The following KCNIP4 variants were observed in gnomAD, a reference collection of about 807,000 sequenced individuals.
The protein encoded by KCNIP4 is potassium voltage-gated channel interacting protein 4.
A neutral mutation model predicts 34.0 loss-of-function variants in KCNIP4; 12 were observed. That is an observed-to-expected ratio of 0.35 (90% CI 0.23 to 0.57). The LOEUF (loss-of-function observed/expected upper bound fraction) is 0.57, where lower values mean the gene tolerates loss of function less well. Among genes scored for constraint, KCNIP4 ranks in the 20% least tolerant of loss-of-function variants. The pLI, the probability that KCNIP4 is intolerant of heterozygous loss-of-function variation, is 0.83. For synonymous variants in KCNIP4, 124 were observed against 102.2 expected, an observed-to-expected ratio of 1.21 and a Z score of -1.29; for missense variants, 238 against 311.7, an observed-to-expected ratio of 0.76 and a Z score of 1.78.
At chr4:21,763,510 C>G (rs1332428590) in intron 1 of KCNIP4, among the ~76,000 whole-genome samples, 3 of 152,082 alleles carry the variant, frequency 2.0e-5, no homozygotes, top group African/African-American at 4.8e-5. Context: ...TGGAGAAAAG[C>G]CTTAGCTAGT....
chr4:21,819,244 T>A (rs1038757412), intron 1 of KCNIP4, among the ~76,000 whole-genome samples: 1 of 152,234 alleles, frequency 6.6e-6, no homozygotes, highest in African/African-American at 2.4e-5. Flanking sequence ...CACCACCCTC[T>A]CTGTTACTGG....
intron 1 of KCNIP4, among the ~76,000 whole-genome samples, chr4:21,009,463 C>T (rs546679265): frequency 4.4e-4 from 67 of 152,136 alleles, no homozygotes; most frequent in Non-Finnish European, 7.5e-4. Context: ...CATCTCCTTC[C>T]TTTCCAAACA....
intron 1 of KCNIP4, among the ~76,000 whole-genome samples, chr4:21,288,456 G>A (rs1211327363): frequency 6.6e-6 from 1 of 152,096 alleles, no homozygotes; most frequent in African/African-American, 2.4e-5. Context: ...ACTAGATTTT[G>A]GAAAATAATT....
At chr4:21,568,409 A>G (rs1740088120) in intron 1 of KCNIP4, among the ~76,000 whole-genome samples, 1 of 152,114 alleles carries the variant, frequency 6.6e-6, no homozygotes, top group African/African-American at 2.4e-5. Flanking sequence ...TGTCAACTTG[A>G]TTGAATTGAA....
chr4:20,842,246 A>G (rs1719819976), intron 3 of KCNIP4, among the ~76,000 whole-genome samples: 1 of 152,160 alleles, frequency 6.6e-6, no homozygotes, highest in Non-Finnish European at 1.5e-5. Context: ...AAGTCTAAGT[A>G]TGGATGTGGA....
intron 1 of KCNIP4, among the ~76,000 whole-genome samples, chr4:21,305,438 A>C (rs1348245879): frequency 6.6e-6 from 1 of 152,180 alleles, no homozygotes; most frequent in African/African-American, 2.4e-5. Context: ...TTTAGAAAAG[A>C]GTGAGTGCTC....
chr4:20,888,006 C>CAT (rs1725510224), intron 1 of KCNIP4, among the ~76,000 whole-genome samples: 1 of 151,680 alleles, frequency 6.6e-6, no homozygotes, highest in Non-Finnish European at 1.5e-5. Context: ...GAAGTGGTAC[C>CAT]ATATGAACTC....
At chr4:20,837,003 T>C (rs182368296) in intron 3 of KCNIP4, among the ~76,000 whole-genome samples, 5 of 152,096 alleles carry the variant, frequency 3.3e-5, no homozygotes, top group African/African-American at 9.7e-5. Context: ...TCAATATATA[T>C]CCAATACTAG....
intron 1 of KCNIP4, among the ~76,000 whole-genome samples, chr4:21,240,115 A>G (rs568069180): frequency 1.1e-4 from 17 of 151,302 alleles, no homozygotes; most frequent in Non-Finnish European, 2.2e-4. Flanking sequence ...TTGGCAAACT[A>G]TCGCAAAGAC....
intron 1 of KCNIP4, among the ~76,000 whole-genome samples, chr4:21,333,096 C>T (rs1308567040): frequency 6.6e-6 from 1 of 151,974 alleles, no homozygotes; most frequent in Non-Finnish European, 1.5e-5. Context: ...ATTATCTGGT[C>T]ATGCTCTTGA....
intron 1 of KCNIP4, among the ~76,000 whole-genome samples, chr4:21,110,430 G>A (rs1262741381): frequency 6.6e-6 from 1 of 152,186 alleles, no homozygotes; most frequent in Non-Finnish European, 1.5e-5. Flanking sequence ...AAAATACTGA[G>A]AGAATTAAGT....
Position 21,519,371 on chromosome 4 carries a change from C to CATATGTGTGTATATGTATGTGTATATAT in KCNIP4, c.61+429199_61+429200insATATATACACATACATATACACACATAT, listed in dbSNP as rs1735075841. On this transcript the variant is annotated intron_variant, in intron 1 of 8. Coordinates refer to ENST00000382152, the MANE Select transcript of KCNIP4 (RefSeq NM_025221.6). ...ACACACACACACACACACACACACA[C>CATATGTGTGTATATGTATGTGTATATAT]ACGTATATGTATGTGTATATATACA... 2.6e-5 allele frequency among the ~76,000 whole-genome samples: 3 copies of CATATGTGTGTATATGTATGTGTATATAT among 115,222 alleles called. 1 individual carries two copies. Among genetic ancestry groups the CATATGTGTGTATATGTATGTGTATATAT allele is most frequent in the East Asian group, 5.8e-4 (2 of 3,428 alleles). The allele number at this position is 115,222 out of a possible 152,430, so 75.6% of individuals were successfully genotyped here.
At chr4:21,237,143 G>A (rs1265215987) in intron 1 of KCNIP4, among the ~76,000 whole-genome samples, 1 of 151,944 alleles carries the variant, frequency 6.6e-6, no homozygotes, top group Non-Finnish European at 1.5e-5. Flanking sequence ...TATAACAAAC[G>A]GTTAATCAGT....
chr4:21,380,187 A>G, intron 1 of KCNIP4, among the ~76,000 whole-genome samples: 1 of 152,044 alleles, frequency 6.6e-6, no homozygotes, highest in East Asian at 1.9e-4. Flanking sequence ...ACCTAAGCAT[A>G]TTTTACTCTT....
At chr4:20,759,656 AAAAG>A (rs1166559642) in intron 3 of KCNIP4, among the ~76,000 whole-genome samples, 3 of 152,124 alleles carry the variant, frequency 2.0e-5, no homozygotes, top group African/African-American at 4.8e-5. Context: ...AAAAAAGAAA[AAAAG>A]AAACTTTAAA....
intron 1 of KCNIP4, among the ~76,000 whole-genome samples, chr4:21,683,827 T>TTATCCTTAGCA (rs1404588374): frequency 6.6e-6 from 1 of 152,096 alleles, no homozygotes; most frequent in East Asian, 1.9e-4. Flanking sequence ...CTTAGCAAAC[T>TTATCCTTAGCA]AACGCAGGAA....
intron 1 of KCNIP4, among the ~76,000 whole-genome samples, chr4:21,637,486 A>G (rs1233787885): frequency 6.6e-6 from 1 of 152,118 alleles, no homozygotes; most frequent in Non-Finnish European, 1.5e-5. Context: ...CACTTAAAAG[A>G]TGAGAAAACA....
chr4:21,813,698 T>C (rs544428242), intron 1 of KCNIP4, among the ~76,000 whole-genome samples: 1 of 152,142 alleles, frequency 6.6e-6, no homozygotes, highest in East Asian at 1.9e-4. Flanking sequence ...ATAAATGATA[T>C]ACATTTCAAA....
intron 3 of KCNIP4, among the ~76,000 whole-genome samples, chr4:20,794,960 G>A (rs1028758493): frequency 6.6e-6 from 1 of 152,172 alleles, no homozygotes; most frequent in African/African-American, 2.4e-5. Context: ...CTTCAGGAAA[G>A]CAGAAACTTG....
Sources: gnomAD v4.1 joint callset for allele counts (sites outside exome capture counted in the v4.1 genomes callset) on GRCh38, gnomAD v4.1.1 for gene constraint, MANE v1.5 for transcripts, NCBI Gene and HGNC (gene_info 2026-07-23, HGNC 2026-07-21) for gene names.